Variants in GDF1 observed in about 807,000 individuals in gnomAD.
The protein encoded by GDF1 is growth differentiation factor 1.
A neutral mutation model predicts 7.4 loss-of-function variants in GDF1; 8 were observed. That is an observed-to-expected ratio of 1.09 (90% CI 0.64 to 1.96). GDF1 has a LOEUF of 1.96. Among genes scored for constraint, GDF1 ranks in the 30% most tolerant of loss-of-function variants. GDF1 has a pLI of 0.00. For synonymous variants in GDF1, 311 were observed against 276.7 expected (o/e 1.12, Z -1.23); for missense variants, 574 against 551.5 (o/e 1.04, Z -0.41).
chr19:18,878,881 G>T lies in GDF1; in HGVS notation c.-313+49C>A. 2 of 1,599,698 alleles carry T rather than the reference G, an allele frequency of 1.3e-6. No homozygotes were observed. Among genetic ancestry groups the T allele is most frequent in the South Asian group, 1.1e-5 (1 of 89,476 alleles). ...GGCCTGCCCACGAACACGCTTGGAC[G>T]GGTGACACTAAAGGAGGGAACGCGG... On this transcript the variant is annotated intron_variant, in intron 6 of 7. Transcript: ENST00000247005. This position sits in a 1 kb window ranked among gnomAD's most constrained non-coding sequence, Gnocchi z 4.6.
At chr19:18,879,755 A>C (rs1326173598) in intron 4 of GDF1, among the ~76,000 whole-genome samples, 10 of 25,806 alleles carry the variant, frequency 3.9e-4, no homozygotes, top group South Asian at 1.3e-3. Flanking sequence ...CCACCTCACC[A>C]AGGCCCCACC....
chr19:18,882,508 T>C (rs1271100178), intron 3 of GDF1, among the ~76,000 whole-genome samples: 4 of 151,420 alleles, frequency 2.6e-5, no homozygotes, highest in Admixed American at 6.6e-5. Flanking sequence ...GTCATACCCC[T>C]GTAATCCCAG....
In GDF1 at chr19:18,870,160, G is replaced by A. The variant is rs1420703949; in HGVS notation, c.148C>T (p.Gln50Ter). 5 of 1,562,620 alleles carry A rather than the reference G, an allele frequency of 3.2e-6. No individual in the cohort carries two copies. Among genetic ancestry groups the A allele is most frequent in the Non-Finnish European group, 4.3e-6 (5 of 1,160,212 alleles). The change falls in exon 7 of 8, where the codon CAG (glutamine) becomes TAG (stop). Residue 50 changes from glutamine to a stop codon, truncating the protein, a stop_gained. Coordinates refer to ENST00000247005, the MANE Select transcript of GDF1 (RefSeq NM_001492.6). LOFTEE classifies it high-confidence loss of function. The surrounding 1 kb of genome is among the most constrained non-coding windows in gnomAD (Gnocchi z 5.1). ...ACCGGCCGGAGCCTGGGGGCACCCT[G>A]GGGCTCATCGCGCAGTCCTAGAGCC... is the stretch of plus-strand genomic sequence containing the variant. ...LQALGLRDEP[Q>*]GAPRLRPVPP...
rs778034405 is a variant in GDF1 at position 18,878,961 on chromosome 19, C to G, written c.-344G>C. The G allele has an allele frequency of 5.6e-6, 9 of 1,613,666 alleles. No individual in the cohort carries two copies. The South Asian group carries it at 8.8e-5, about 16-fold the overall frequency. On this transcript the variant is annotated 5_prime_UTR_variant, in exon 6 of 8. Coordinates refer to ENST00000247005, the MANE Select transcript of GDF1 (RefSeq NM_001492.6). This position sits in a 1 kb window ranked among gnomAD's most constrained non-coding sequence, Gnocchi z 4.6. The stretch of plus-strand genomic sequence containing the variant: ...TTGCTGGGCTTCAGGCTCTGGGCCT[C>G]GGCTGTGTCATACTCCCGCAGGTCC...
At chr19:18,881,807 C>G (rs1159564976) in intron 3 of GDF1, 1 of 152,224 alleles carries the variant, frequency 6.6e-6, no homozygotes, top group African/African-American at 2.4e-5. Flanking sequence ...GACCAACTAA[C>G]ACCTAACACC....
intron 6 of GDF1, among the ~76,000 whole-genome samples, chr19:18,874,128 T>C (rs1017492958): frequency 1.3e-5 from 2 of 152,172 alleles, no homozygotes; most frequent in African/African-American, 4.8e-5. Context: ...AGAGGGACTG[T>C]TGTCCACTGT....
Position 18,868,549 on chromosome 19 carries a change from A to T in GDF1, c.*48T>A. 7.0e-7 allele frequency: 1 copy of T among 1,427,382 alleles called. No individual in the cohort carries two copies. Among genetic ancestry groups the T allele is most frequent in the Non-Finnish European group, 9.6e-7 (1 of 1,038,062 alleles). The allele number at this position is 1,427,382 out of a possible 1,614,324, so 88.4% of individuals were successfully genotyped here. On this transcript the variant is annotated 3_prime_UTR_variant, in exon 8 of 8. Transcript: ENST00000247005. ...AGGAGTCCAAGGAGACCAGCGGAGC[A>T]GACCACGCGGCATTTATTGTTGGGC... is the stretch of plus-strand genomic sequence containing the variant.
At position 18,893,512 on chromosome 19, in the gene GDF1, TC is replaced by T. The variant is rs2146074561; in HGVS notation, c.-1011del. 1 of 1,610,428 alleles carries T rather than the reference TC, an allele frequency of 6.2e-7. No homozygotes were observed. Among genetic ancestry groups the T allele is most frequent in the Non-Finnish European group, 8.5e-7 (1 of 1,178,666 alleles). ...CAGCTGCCCAGGTAGAAGAGAAACT[TC>T]CAAGCGCTCTCGGGCATCTTGGCGG... On this transcript the variant is annotated 5_prime_UTR_variant, in exon 2 of 8. It introduces an in-frame stop codon into an upstream open reading frame of the 5' UTR. Transcript: ENST00000247005.
chr19:18,870,170 G>A lies in GDF1; in HGVS notation c.138C>T (p.Arg46=). The change falls in exon 7 of 8, where the codon CGC becomes CGT. Residue 46 remains arginine, a synonymous_variant. Coordinates refer to ENST00000247005, the MANE Select transcript of GDF1 (RefSeq NM_001492.6). The surrounding 1 kb of genome is among the most constrained non-coding windows in gnomAD (Gnocchi z 5.1). ...GCCTGGGGGCACCCTGGGGCTCATC[G>A]CGCAGTCCTAGAGCCTGGAGCAGGG... ...AAALLQALGL[R]DEPQGAPRLR... 1 of 1,561,908 alleles carries A rather than the reference G, an allele frequency of 6.4e-7. No individual in the cohort carries two copies. The highest frequency in any genetic ancestry group is 8.6e-7 in the Non-Finnish European group (1 of 1,159,708).
At chr19:18,869,520 G>T in intron 7 of GDF1, 130 bp from the exon 8 acceptor site, 1 of 1,260,144 alleles carries the variant, frequency 7.9e-7, no homozygotes, top group Non-Finnish European at 1.1e-6. Flanking sequence ...GGTGTGAAGC[G>T]GCGGGGTGGG....
intron 2 of GDF1, among the ~76,000 whole-genome samples, chr19:18,887,614 G>A (rs747447701): frequency 4.6e-5 from 7 of 151,890 alleles, no homozygotes; most frequent in African/African-American, 7.3e-5. Flanking sequence ...GCATGGTGGC[G>A]CATGCCTGTA....
At position 18,895,758 on chromosome 19, in the gene GDF1, C is replaced by A; in HGVS notation, c.-1074+66G>T. ...GGAAGAAAGGAACGCGCCGGCGGCC[C>A]CAGGTCCCCGGTCCCGGCTTCCCCC... On this transcript the variant is annotated intron_variant, in intron 1 of 7. Transcript: ENST00000247005. The surrounding 1 kb of genome is among the most constrained non-coding windows in gnomAD (Gnocchi z 6.4). The A allele has an allele frequency of 2.1e-6, 2 of 933,224 alleles. No individual in the cohort carries two copies. Among genetic ancestry groups the A allele is most frequent in the South Asian group, 3.2e-5 (1 of 31,594 alleles). 57.8% of individuals were successfully genotyped at this position (933,224 alleles called of 1,614,324 possible).
At position 18,879,308 on chromosome 19, in the gene GDF1, ATGTCAGGCACCG is replaced by A; in HGVS notation, c.-502_-491del. Reference sequence around the variant, plus strand: ...CGCATTGAAGAAGAAGTAGAAGGGGATGTCAGGCACCGTGCGCAGACTGCAGTGACTGGTGGC... The same window carrying A: ...CGCATTGAAGAAGAAGTAGAAGGGGATGCGCAGACTGCAGTGACTGGTGGC... On this transcript the variant is annotated 5_prime_UTR_variant, in exon 5 of 8. Transcript: ENST00000247005. 6.2e-7 allele frequency: 1 copy of A among 1,612,580 alleles called. No individual in the cohort carries two copies. The highest frequency in any genetic ancestry group is 8.5e-7 in the Non-Finnish European group (1 of 1,179,378).
chr19:18,878,774 C>T lies in GDF1; in HGVS notation c.-313+156G>A. 6.9e-7 allele frequency: 1 copy of T among 1,453,146 alleles called. No homozygotes were observed. The highest frequency in any genetic ancestry group is 2.5e-5 in the East Asian group (1 of 39,546). 90.0% of individuals were successfully genotyped at this position (1,453,146 alleles called of 1,614,324 possible). ...CCTTCAGGGTACTGGCCACATCGTCCACGCCTTTATTGCAGTCTCTGTTTT... is the reference window on the plus strand; with the variant it reads ...CCTTCAGGGTACTGGCCACATCGTCTACGCCTTTATTGCAGTCTCTGTTTT... On this transcript the variant is annotated intron_variant, in intron 6 of 7. Transcript: ENST00000247005. The surrounding 1 kb of genome is among the most constrained non-coding windows in gnomAD (Gnocchi z 4.6).
chr19:18,876,536 T>TGTGTG (rs1555703706), intron 6 of GDF1, among the ~76,000 whole-genome samples: 1 of 143,184 alleles, frequency 7.0e-6, no homozygotes, highest in African/African-American at 2.6e-5. Context: ...TTTGATTGGG[T>TGTGTG]TGTGTGTGTG....
At position 18,870,128 on chromosome 19, in the gene GDF1, CG is replaced by C; in HGVS notation, c.179del (p.Pro60ArgfsTer106). 6.4e-7 allele frequency: 1 copy of C among 1,565,974 alleles called. No individual in the cohort carries two copies. The highest frequency in any genetic ancestry group is 8.6e-7 in the Non-Finnish European group (1 of 1,161,290). On this transcript the variant is annotated frameshift_variant, in exon 7 of 8. Transcript: ENST00000247005. LOFTEE classifies it high-confidence loss of function. This position sits in a 1 kb window ranked among gnomAD's most constrained non-coding sequence, Gnocchi z 5.1. The stretch of plus-strand genomic sequence containing the variant: ...GGCGTCGAAACAGGCGCCACATGAC[CG>C]GGGGAACCGGCCGGAGCCTGGGGGC... ...QGAPRLRPVP[P>X]VMWRLFRRRD...
chr19:18,875,283 C>T (rs1234176711), intron 6 of GDF1, among the ~76,000 whole-genome samples: 10 of 149,250 alleles, frequency 6.7e-5, no homozygotes, highest in Admixed American at 4.0e-4. Flanking sequence ...CGGTGGCTCA[C>T]GCCTATAATC....
At chr19:18,880,481 G>GA (rs772743666) in intron 3 of GDF1, 46 bp from the exon 4 acceptor site, 4 of 1,520,600 alleles carry the variant, frequency 2.6e-6, no homozygotes, top group Non-Finnish European at 1.8e-6. Context: ...CACATTGGGG[G>GA]ACCTCCACTC....
chr19:18,892,756 G>T (rs551414883), intron 2 of GDF1, among the ~76,000 whole-genome samples: 13 of 152,184 alleles, frequency 8.5e-5, no homozygotes, highest in African/African-American at 2.9e-4. Flanking sequence ...ATGCCTGCCT[G>T]GACCCACACA....
Sources: allele counts gnomAD v4.1 joint callset (sites outside exome capture counted in the v4.1 genomes callset), GRCh38; gene constraint gnomAD v4.1.1; non-coding constraint Gnocchi (gnomAD v3.1); transcripts MANE v1.5; gene names NCBI Gene and HGNC (gene_info 2026-07-23, HGNC 2026-07-21).